SPATS2L: variants seen among roughly 807,000 people sequenced by gnomAD.
SPATS2L encodes spermatogenesis associated serine rich 2 like, also known as SPATS2-like protein.
A neutral mutation model predicts 59.6 loss-of-function variants in SPATS2L; 30 were observed. The ratio of observed to expected loss-of-function variants is 0.50; its 90% CI spans 0.38 to 0.68. The LOEUF is 0.68. Among genes scored for constraint, SPATS2L ranks in the 30% least tolerant of loss-of-function variants. The probability of loss-of-function intolerance (pLI) is 0.00; values close to 1 mark genes in which losing one functional copy is unlikely to be tolerated. For missense variants in SPATS2L, 615 were observed against 700.0 expected (o/e 0.88, Z 1.37); for synonymous variants, 252 against 263.5 (o/e 0.96, Z 0.42).
intron 2 of SPATS2L, among the ~76,000 whole-genome samples, chr2:200,349,960 A>G (rs2080662235): frequency 2.0e-5 from 3 of 152,120 alleles, no homozygotes; most frequent in Admixed American, 1.3e-4. Flanking sequence ...GCCCCAGGCT[A>G]TTGAATGGGA....
chr2:200,330,058 C>T (rs112095439), intron 2 of SPATS2L, among the ~76,000 whole-genome samples: 3 of 152,210 alleles, frequency 2.0e-5, no homozygotes, highest in Non-Finnish European at 4.4e-5. Context: ...GCCTAATAAT[C>T]GTGCAGTCTT....
intron 2 of SPATS2L, among the ~76,000 whole-genome samples, chr2:200,388,933 T>G (rs559772588): frequency 1.3e-5 from 2 of 152,322 alleles, no homozygotes; most frequent in Admixed American, 1.3e-4. Flanking sequence ...TTGACCACCT[T>G]TCTTTTACAT....
upstream of SPATS2L, chr2:200,306,284 T>C: frequency 1.0e-6 from 1 of 1,002,338 alleles, no homozygotes; most frequent in Non-Finnish European, 1.2e-6. Flanking sequence ...GCAAAGTTCA[T>C]TTTCTCGGGT....
chr2:200,356,802 A>G (rs886957952), intron 2 of SPATS2L, among the ~76,000 whole-genome samples: 1 of 152,170 alleles, frequency 6.6e-6, no homozygotes, highest in Non-Finnish European at 1.5e-5. Context: ...GCTAGGAAGT[A>G]TGGCATTGGT....
chr2:200,329,490 G>A lies in SPATS2L; in HGVS notation c.-23+10G>A. ...TGCTGTGGATTCCCAGGTGAGTAGA[G>A]ATGGTCCTTCCCTCTCTGTGACCTC... On this transcript the variant is annotated intron_variant, in intron 2 of 12. Coordinates refer to ENST00000409140, the MANE Select transcript of SPATS2L (RefSeq NM_001100423.2). 1 of 1,549,846 alleles carries A rather than the reference G, an allele frequency of 6.5e-7. No individual in the cohort carries two copies. The highest frequency in any genetic ancestry group is 8.7e-7 in the Non-Finnish European group (1 of 1,146,334).
At chr2:200,317,451 C>T (rs1176526721) in intron 1 of SPATS2L, among the ~76,000 whole-genome samples, 3 of 152,090 alleles carry the variant, frequency 2.0e-5, no homozygotes, top group Non-Finnish European at 4.4e-5. Context: ...TCAAACTTAT[C>T]CTCATATCTC....
At chr2:200,464,522 T>G (rs2086453582) in intron 9 of SPATS2L, among the ~76,000 whole-genome samples, 1 of 152,226 alleles carries the variant, frequency 6.6e-6, no homozygotes, top group African/African-American at 2.4e-5. Context: ...CCCTTAATTG[T>G]CACCAGTCTC....
chr2:200,371,488 C>A (rs1274302631), intron 2 of SPATS2L, among the ~76,000 whole-genome samples: 1 of 151,990 alleles, frequency 6.6e-6, no homozygotes, highest in African/African-American at 2.4e-5. Context: ...TGCATGGATC[C>A]CCATTGTAGA....
At chr2:200,306,649 C>G (rs913079994), upstream of SPATS2L, 1 of 987,294 alleles carries the variant, frequency 1.0e-6, no homozygotes, top group African/African-American at 1.8e-5. Flanking sequence ...GCGGGGGCAG[C>G]CTGCGAGGGG....
chr2:200,331,133 C>T (rs2079929428), intron 2 of SPATS2L, among the ~76,000 whole-genome samples: 1 of 152,114 alleles, frequency 6.6e-6, no homozygotes, highest in Admixed American at 6.5e-5. Flanking sequence ...TAAATGAAGC[C>T]CACAATAACT....
intron 2 of SPATS2L, among the ~76,000 whole-genome samples, chr2:200,345,547 T>C (rs1368569078): frequency 6.6e-6 from 1 of 152,210 alleles, no homozygotes; most frequent in Admixed American, 6.5e-5. Context: ...AGGAACTCAA[T>C]TTATTAGGCC....
rs201145724 is a variant in SPATS2L, at chr2:200,444,884, CT to C, written c.788+4109del. 1.9e-3 allele frequency among the ~76,000 whole-genome samples: 280 copies of C among 151,192 alleles called. 2 individuals are homozygous for C. Among genetic ancestry groups the C allele is most frequent in the Middle Eastern group, 6.8e-3 (2 of 294 alleles). On this transcript the variant is annotated intron_variant, in intron 8 of 12. Transcript: ENST00000409140. ...AGTGGTGTCTCCATATCCCTTTTCT[CT>C]TTTTTTTTAACTATGGAAACTCAGT...
intron 8 of SPATS2L, among the ~76,000 whole-genome samples, chr2:200,456,841 A>G (rs1050831657): frequency 1.3e-5 from 2 of 152,172 alleles, no homozygotes; most frequent in African/African-American, 4.8e-5. Flanking sequence ...GACTCTATTT[A>G]TAAAGCCTTC....
At chr2:200,319,377 C>T (rs528957247) in intron 1 of SPATS2L, among the ~76,000 whole-genome samples, 2 of 152,128 alleles carry the variant, frequency 1.3e-5, no homozygotes, top group African/African-American at 4.8e-5. Flanking sequence ...CCAGCCTGGC[C>T]AACATGGCAA....
intron 2 of SPATS2L, among the ~76,000 whole-genome samples, chr2:200,376,715 G>A (rs1479639395): frequency 6.6e-6 from 1 of 152,236 alleles, no homozygotes; most frequent in Non-Finnish European, 1.5e-5. Flanking sequence ...GCTTCTGCCA[G>A]TGCAGCTGTT....
chr2:200,375,895 G>A lies in SPATS2L; in HGVS notation c.-22-13328G>A, dbSNP rs2081583280. On this transcript the variant is annotated intron_variant, in intron 2 of 12. Coordinates refer to ENST00000409140, the MANE Select transcript of SPATS2L (RefSeq NM_001100423.2). ...TCCCACCTCAGCCTCCCAAAGTGCT[G>A]GGATTACAGGCATGAGTGACTGTGC... Among the ~76,000 whole-genome samples, 3 of 152,188 alleles carry A rather than the reference G, an allele frequency of 2.0e-5. No individual in the cohort carries two copies. In the East Asian group the frequency reaches 5.8e-4, roughly 29 times the overall value.
At chr2:200,409,661 AT>A (rs956107689) in intron 3 of SPATS2L, among the ~76,000 whole-genome samples, 23 of 152,196 alleles carry the variant, frequency 1.5e-4, no homozygotes, top group African/African-American at 4.8e-4. Flanking sequence ...AGCAGAAACT[AT>A]TTTTTTCCCC....
intron 2 of SPATS2L, among the ~76,000 whole-genome samples, chr2:200,339,784 G>A (rs1362569526): frequency 6.6e-6 from 1 of 152,178 alleles, no homozygotes; most frequent in Non-Finnish European, 1.5e-5. Flanking sequence ...TTTTTACAAA[G>A]TTTAAAGTGC....
intron 3 of SPATS2L, among the ~76,000 whole-genome samples, chr2:200,391,117 G>A (rs995486006): frequency 3.3e-5 from 5 of 152,126 alleles, no homozygotes; most frequent in Admixed American, 6.5e-5. Flanking sequence ...CCAAGATCGC[G>A]CCACTGCACT....
Sources: gnomAD v4.1 joint callset for allele counts (sites outside exome capture counted in the v4.1 genomes callset) on GRCh38, gnomAD v4.1.1 for gene constraint, MANE v1.5 for transcripts, NCBI Gene and HGNC (gene_info 2026-07-23, HGNC 2026-07-21) for gene names.